The following PSIP1 variants were observed in gnomAD, a reference collection of about 807,000 sequenced individuals.
The protein encoded by PSIP1 is PC4 and SFRS1-interacting protein.
PSIP1 carries 19 observed loss-of-function variants against 74.7 expected under a neutral mutation model. That is an observed-to-expected ratio of 0.25 (90% CI 0.18 to 0.37). PSIP1 has a LOEUF of 0.37. Ranked by LOEUF, PSIP1 falls within the 10% of genes least tolerant of loss-of-function variation. PSIP1 has a pLI of 1.00. For synonymous variants in PSIP1, 222 were observed against 195.3 expected (o/e 1.14, Z -1.14); for missense variants, 601 against 614.3 (o/e 0.98, Z 0.23).
At chr9:15,505,738 T>G (rs55649599) in intron 3 of PSIP1, 3 of 152,256 alleles carry the variant, frequency 2.0e-5, no homozygotes, top group Admixed American at 1.3e-4. Flanking sequence ...TCCATCTCAA[T>G]AGAGCTATTA....
At chr9:15,478,337 GT>G (rs2036186039) in intron 8 of PSIP1, 139 bp downstream of exon 8, 1 of 718,782 alleles carries the variant, frequency 1.4e-6, no homozygotes, top group Non-Finnish European at 2.2e-6. Context: ...AATTTTCCCA[GT>G]TTTTCCTGTA....
intron 7 of PSIP1, among the ~76,000 whole-genome samples, 162 bp from the exon 8 acceptor site, chr9:15,478,714 G>A (rs556008278): frequency 1.1e-3 from 167 of 152,052 alleles, no homozygotes; most frequent in African/African-American, 3.7e-3. Flanking sequence ...CCCCCACCAT[G>A]GTTAAAATGA....
Position 15,479,624 on chromosome 9 carries a change from G to C in PSIP1, c.520C>G (p.Leu174Val). ...CGTCCTCTTTTAGGACTCACTTTTAGATTAACAGATGCTGTTGCTGTTGTC... is the reference window on the plus strand; with the variant it reads ...CGTCCTCTTTTAGGACTCACTTTTACATTAACAGATGCTGTTGCTGTTGTC... ...VVTTATASVN[L>V]KVSPKRGRPA... The change falls in exon 7 of 16, where the codon CTA becomes GTA. Residue 174 changes from leucine (L) to valine (V), a missense_variant. By Grantham distance (32) the Leu-to-Val change is conservative. Coordinates refer to ENST00000380733, the MANE Select transcript of PSIP1 (RefSeq NM_033222.5). 6.8e-6 allele frequency: 11 copies of C among 1,609,368 alleles called. No individual in the cohort carries two copies. Among genetic ancestry groups the C allele is most frequent in the Non-Finnish European group, 7.6e-6 (9 of 1,178,136 alleles).
chr9:15,479,174 AAG>A (rs1285681820), intron 7 of PSIP1, among the ~76,000 whole-genome samples: 1 of 152,168 alleles, frequency 6.6e-6, no homozygotes, highest in Non-Finnish European at 1.5e-5. Flanking sequence ...GGCAATGCTG[AAG>A]AGAGCTGCAA....
At chr9:15,485,863 C>T (rs1311787075) in intron 6 of PSIP1, 143 bp downstream of exon 6, 1 of 652,938 alleles carries the variant, frequency 1.5e-6, no homozygotes, top group Non-Finnish European at 2.5e-6. Flanking sequence ...GATAGTTTTG[C>T]CAAGTAAAAC....
At chr9:15,469,366 AAC>A (rs1298581866) in intron 11 of PSIP1, 30 bp from the exon 12 acceptor site, 1 of 1,422,762 alleles carries the variant, frequency 7.0e-7, no homozygotes, top group South Asian at 1.3e-5. Context: ...AAAAACAGTG[AAC>A]AGTTTTTCCA....
chr9:15,506,476 A>G, intron 3 of PSIP1, 85 bp downstream of exon 3: 2 of 961,894 alleles, frequency 2.1e-6, no homozygotes, highest in Non-Finnish European at 3.2e-6. Flanking sequence ...CTATTACGTT[A>G]CGATTTCCCC....
chr9:15,481,329 C>G (rs920214673), intron 6 of PSIP1, among the ~76,000 whole-genome samples: 6 of 152,192 alleles, frequency 3.9e-5, no homozygotes, highest in Admixed American at 2.0e-4. Flanking sequence ...CTGGTCAATT[C>G]TTTGGTGCAA....
At chr9:15,486,112 A>G in intron 5 of PSIP1, 44 bp from the exon 6 acceptor site, 2 of 1,455,146 alleles carry the variant, frequency 1.4e-6, no homozygotes, top group Non-Finnish European at 1.9e-6. Flanking sequence ...AAATTATTCC[A>G]GGAATGAAAG....
Position 15,503,338 on chromosome 9 carries a change from G to A in PSIP1, c.149+3223C>T, listed in dbSNP as rs530513147. On this transcript the variant is annotated intron_variant, in intron 3 of 15. Coordinates refer to ENST00000380733, the MANE Select transcript of PSIP1 (RefSeq NM_033222.5). ...GCCGAGATGGTGCCACTGCACTCCAGCCTGGGCAACAGAGGAGACTCCATC... is the reference window on the plus strand; with the variant it reads ...GCCGAGATGGTGCCACTGCACTCCAACCTGGGCAACAGAGGAGACTCCATC... 2.0e-5 allele frequency among the ~76,000 whole-genome samples: 3 copies of A among 151,782 alleles called. No homozygotes were observed. The East Asian group carries it at 5.8e-4, about 29-fold the overall frequency.
At chr9:15,475,886 A>G (rs1450742527) in intron 8 of PSIP1, among the ~76,000 whole-genome samples, 1 of 152,160 alleles carries the variant, frequency 6.6e-6, no homozygotes, top group Non-Finnish European at 1.5e-5. Context: ...ATCTTTTAAT[A>G]TATGTTAATA....
rs776339054 is a variant in PSIP1 at position 15,510,228 on chromosome 9, G to A, written c.-40C>T. On this transcript the variant is annotated 5_prime_UTR_variant, in exon 2 of 16. Transcript: ENST00000380733. The stretch of plus-strand genomic sequence containing the variant: ...ACCGGGGGTCCGAAGCCCGGGAGGC[G>A]GCGAGGAGATGCGGCGGCGCGGGGA... The A allele has an allele frequency of 7.0e-6, 11 of 1,580,410 alleles. No individual in the cohort carries two copies. The Admixed American group carries it at 1.7e-4, about 25-fold the overall frequency.
Position 15,510,134 on chromosome 9 carries a change from G to A in PSIP1, c.55C>T (p.Pro19Ser). Residue 19 changes from proline to serine, a missense_variant, in exon 2 of 16, where the codon CCC (proline) becomes TCC (serine). Pro to Ser is a moderately conservative substitution (Grantham distance 74). This residue lies in a region of PSIP1 where 63 missense variants were observed against 106.7 expected (regional missense o/e 0.59). Transcript: ENST00000380733. ...TCACTTACTCGAGCTGGCCAATGGG[G>A]ATAACCTTTCATCTTGGCGAAGATG... ...DLIFAKMKGY[P>S]HWPARVDEVP... 6.2e-7 allele frequency: 1 copy of A among 1,608,122 alleles called. No individual in the cohort carries two copies. The highest frequency in any genetic ancestry group is 8.5e-7 in the Non-Finnish European group (1 of 1,177,366).
Position 15,469,060 on chromosome 9 carries a change from T to C in PSIP1, c.1105-2A>G, listed in dbSNP as rs2035737820. Reference sequence around the variant, plus strand: ...GGCCTCAATGCATCTGTTCACATCCTTCATGACAAAACAGTAATTTCATAG... The same window carrying C: ...GGCCTCAATGCATCTGTTCACATCCCTCATGACAAAACAGTAATTTCATAG... On this transcript the variant is annotated splice_acceptor_variant, in intron 12 of 15. Coordinates refer to ENST00000380733, the MANE Select transcript of PSIP1 (RefSeq NM_033222.5). LOFTEE classifies it high-confidence loss of function. 6.2e-7 allele frequency: 1 copy of C among 1,611,054 alleles called. No individual in the cohort carries two copies.
chr9:15,490,748 G>A (rs1332751788), intron 3 of PSIP1, among the ~76,000 whole-genome samples: 2 of 145,700 alleles, frequency 1.4e-5, no homozygotes, highest in Admixed American at 6.9e-5. Context: ...TACAAACTTT[G>A]ACACATTAGC....
intron 6 of PSIP1, among the ~76,000 whole-genome samples, chr9:15,482,927 T>C (rs1480912189): frequency 6.6e-6 from 1 of 152,184 alleles, no homozygotes; most frequent in Admixed American, 6.5e-5. Flanking sequence ...ATCTTACTGG[T>C]ACCCTCTCTA....
chr9:15,479,526 A>G, intron 7 of PSIP1, 65 bp downstream of exon 7: 1 of 1,293,234 alleles, frequency 7.7e-7, no homozygotes, highest in Non-Finnish European at 1.1e-6. Context: ...TGAGGCAGCA[A>G]CACTTTAAAT....
At chr9:15,466,649 G>A in intron 15 of PSIP1, 99 bp downstream of exon 15, 1 of 896,372 alleles carries the variant, frequency 1.1e-6, no homozygotes, top group Admixed American at 3.5e-5. Context: ...GTGATCAAAA[G>A]ATAACTGCTT....
Position 15,468,618 on chromosome 9 carries a change from T to C in PSIP1, c.1420+12A>G. On this transcript the variant is annotated intron_variant, in intron 14 of 15. Coordinates refer to ENST00000380733, the MANE Select transcript of PSIP1 (RefSeq NM_033222.5). Reference sequence around the variant, plus strand: ...AAAACTGGTGTGAAATTGTTGGCTTTTTACCACATACCTGTTTGTTCCTTC... The same window carrying C: ...AAAACTGGTGTGAAATTGTTGGCTTCTTACCACATACCTGTTTGTTCCTTC... 6.2e-7 allele frequency: 1 copy of C among 1,612,738 alleles called. No individual in the cohort carries two copies. The highest frequency in any genetic ancestry group is 8.5e-7 in the Non-Finnish European group (1 of 1,178,902).
Sources: gnomAD v4.1 joint callset for allele counts (sites outside exome capture counted in the v4.1 genomes callset) on GRCh38, gnomAD v4.1.1 for gene constraint, gnomAD v4.1.1 regional missense constraint, MANE v1.5 for transcripts, NCBI Gene and HGNC (gene_info 2026-07-23, HGNC 2026-07-21) for gene names.